NLRP9: variants seen among roughly 807,000 people sequenced by gnomAD.
NLRP9 encodes NLR family pyrin domain containing 9.
In NLRP9, 88 loss-of-function variants were observed where a neutral mutation model predicts 83.1. The observed-to-expected ratio is 1.06, with a 90% confidence interval of 0.89 to 1.26. The LOEUF is 1.26. Among genes scored for constraint, NLRP9 ranks in the 50% most tolerant of loss-of-function variants. The pLI is 0.00. For missense variants in NLRP9, 1,308 were observed against 1,179.3 expected (o/e 1.11, Z -1.60); for synonymous variants, 521 against 447.6 (o/e 1.16, Z -2.07).
intron 1 of NLRP9, among the ~76,000 whole-genome samples, chr19:55,735,860 G>A (rs1214137560): frequency 1.3e-5 from 2 of 151,424 alleles, no homozygotes; most frequent in African/African-American, 4.9e-5. Context: ...GGTAATTTTT[G>A]TATTTTTAGT....
Position 55,724,039 on chromosome 19 carries a change from A to T in NLRP9, c.2100T>A (p.Ser700=), listed in dbSNP as rs538036101. 130 of 1,613,986 alleles carry T rather than the reference A, an allele frequency of 8.1e-5. 2 individuals carry two copies. In the South Asian group the frequency reaches 1.4e-3, roughly 17 times the overall value. The part of the protein sequence containing the change: ...LSLYGTSLSQ[S]DIRHLCETLK... ...GCGTCTCACACAGGTGTCTGATGTC[A>T]GACTGGGAGAGGCTAGTGCCGTACA... The change falls in exon 4 of 9, where the codon TCT becomes TCA. Residue 700 remains serine, a synonymous_variant. Coordinates refer to ENST00000332836, the MANE Select transcript of NLRP9 (RefSeq NM_176820.4).
rs1398370550 is a variant in NLRP9 at position 55,732,287 on chromosome 19, A to T, written c.1544T>A (p.Leu515Gln). The T allele has an allele frequency of 6.2e-7, 1 of 1,614,206 alleles. No individual in the cohort carries two copies. Among genetic ancestry groups the T allele is most frequent in the Non-Finnish European group, 8.5e-7 (1 of 1,180,026 alleles). ...TATTTCCTGCTTTAGGTCTTTTGAC[A>T]GTGGAAAACCAAAGGAGGTCTCCAG... ...SMLETSFGFPLSKDLKQEITQ... is the reference protein window; with the variant it reads ...SMLETSFGFPQSKDLKQEITQ... Residue 515 changes from leucine (L) to glutamine (Q), a missense_variant, in exon 2 of 9, where the codon CTG (leucine) becomes CAG (glutamine). Transcript: ENST00000332836.
Position 55,733,455 on chromosome 19 carries a change from C to A in NLRP9, c.376G>T (p.Glu126Ter), listed in dbSNP as rs1441541454. ...TCTTTATACTCATTTTTCATGGTTTCTTTGTAGAAATGCTCAGGGACGTGA... is the reference window on the plus strand; with the variant it reads ...TCTTTATACTCATTTTTCATGGTTTATTTGTAGAAATGCTCAGGGACGTGA... ...CLHVPEHFYK[E>*]TMKNEYKELN... Residue 126 changes from glutamate (E) to a stop codon, truncating the protein, a stop_gained, in exon 2 of 9, where the codon GAA (glutamate) becomes TAA (stop). Transcript: ENST00000332836. LOFTEE classifies it high-confidence loss of function. 1 of 1,613,868 alleles carries A rather than the reference C, an allele frequency of 6.2e-7. No individual in the cohort carries two copies. Among genetic ancestry groups the A allele is most frequent in the Non-Finnish European group, 8.5e-7 (1 of 1,179,868 alleles).
Position 55,712,026 on chromosome 19 carries a change from C to T in NLRP9, c.2673-56G>A, listed in dbSNP as rs921783168. Reference sequence around the variant, plus strand: ...CTCTAGCTTTGGGTAGGCTGGAAGGCACGCCATTGTTACTTGCTAATTACA... The same window carrying T: ...CTCTAGCTTTGGGTAGGCTGGAAGGTACGCCATTGTTACTTGCTAATTACA... On this transcript the variant is annotated intron_variant, in intron 7 of 8. Transcript: ENST00000332836. 3.2e-6 allele frequency: 5 copies of T among 1,551,448 alleles called. No homozygotes were observed. The African/African-American group carries it at 5.4e-5, about 17-fold the overall frequency.
At chr19:55,720,356 C>G (rs1988186573) in intron 4 of NLRP9, among the ~76,000 whole-genome samples, 1 of 152,106 alleles carries the variant, frequency 6.6e-6, no homozygotes, top group Admixed American at 6.6e-5. Flanking sequence ...GTGGTCTCAC[C>G]CTGTCACTCA....
intron 6 of NLRP9, among the ~76,000 whole-genome samples, chr19:55,713,563 C>G (rs1487824823): frequency 7.1e-6 from 1 of 140,394 alleles, no homozygotes; most frequent in African/African-American, 2.6e-5. Flanking sequence ...GAGAAAGTGC[C>G]CCTGGCACCT....
intron 7 of NLRP9, 64 bp downstream of exon 7, chr19:55,712,356 C>G (rs1987767604): frequency 1.4e-6 from 2 of 1,397,156 alleles, no homozygotes; most frequent in Non-Finnish European, 2.0e-6. Flanking sequence ...TCTATTGACC[C>G]TCCAGCAATT....
chr19:55,723,637 A>G (rs1419845850), intron 4 of NLRP9, among the ~76,000 whole-genome samples: 2 of 146,682 alleles, frequency 1.4e-5, no homozygotes, highest in East Asian at 4.2e-4. Flanking sequence ...CTGAGGTGGG[A>G]GGATTGCTTG....
Position 55,712,452 on chromosome 19 carries a change from C to CAAAGCTG in NLRP9, c.2633_2639dup (p.Leu880PhefsTer9), listed in dbSNP as rs1987773738. The stretch of plus-strand genomic sequence containing the variant: ...ACTCTAATTTACAGTGAGGATGCTG[C>CAAAGCTG]AAAGCTGCACATAACTGTCTGACAC... On this transcript the variant is annotated frameshift_variant, in exon 7 of 9. Coordinates refer to ENST00000332836, the MANE Select transcript of NLRP9 (RefSeq NM_176820.4). LOFTEE classifies it high-confidence loss of function. 6.2e-7 allele frequency: 1 copy of CAAAGCTG among 1,612,866 alleles called. No individual in the cohort carries two copies.
intron 1 of NLRP9, among the ~76,000 whole-genome samples, chr19:55,735,219 C>T (rs1240298601): frequency 6.6e-6 from 1 of 152,142 alleles, no homozygotes; most frequent in Non-Finnish European, 1.5e-5. Context: ...TTAACACCGT[C>T]GCACAGGAGT....
At position 55,729,171 on chromosome 19, in the gene NLRP9, T is replaced by C. The variant is rs112447787; in HGVS notation, c.1994+660A>G. Among the ~76,000 whole-genome samples the C allele has an allele frequency of 1.5e-3, 223 of 147,056 alleles. 1 individual carries two copies. The highest frequency in any genetic ancestry group is 5.2e-3 in the African/African-American group (211 of 40,360). ...TCCACTCACATCCAAGCAAAGGTCA[T>C]CCCTAACCAGGACTGCTCGCTCTCT... On this transcript the variant is annotated intron_variant, in intron 3 of 8. Transcript: ENST00000332836.
At position 55,733,355 on chromosome 19, in the gene NLRP9, G is replaced by T. The variant is rs1988662658; in HGVS notation, c.476C>A (p.Thr159Lys). Reference sequence around the variant, plus strand: ...CAACATCACTTTTCTTAAAAGGGTTGTTTTTCCAATTCCATCAGGACCTTC... The same window carrying T: ...CAACATCACTTTTCTTAAAAGGGTTTTTTTTCCAATTCCATCAGGACCTTC... Reference protein sequence around the residue: ...VLEGPDGIGKTTLLRKVMLDW... With the variant: ...VLEGPDGIGKKTLLRKVMLDW... Residue 159 changes from threonine to lysine, a missense_variant, in exon 2 of 9, where the codon ACA (threonine) becomes AAA (lysine). Physicochemically the swap from Thr to Lys is moderately conservative, Grantham distance 78. Transcript: ENST00000332836. The T allele has an allele frequency of 6.2e-7, 1 of 1,614,028 alleles. No homozygotes were observed. The highest frequency in any genetic ancestry group is 1.3e-5 in the African/African-American group (1 of 74,918).
intron 1 of NLRP9, among the ~76,000 whole-genome samples, chr19:55,736,486 G>T (rs964221667): frequency 3.3e-5 from 5 of 152,062 alleles, no homozygotes; most frequent in Non-Finnish European, 7.4e-5. Context: ...ACACTGACTC[G>T]GTCATTTTTT....
At chr19:55,717,033 C>CTTTT (rs397968319) in intron 4 of NLRP9, 135 bp from the exon 5 acceptor site, 81 of 366,186 alleles carry the variant, frequency 2.2e-4, no homozygotes, top group African/African-American at 8.8e-4. Context: ...GACTCTTTTT[C>CTTTT]TTTTTTTTTT....
chr19:55,714,653 C>A (rs959990129), intron 6 of NLRP9, among the ~76,000 whole-genome samples: 1 of 152,018 alleles, frequency 6.6e-6, no homozygotes, highest in South Asian at 2.1e-4. Flanking sequence ...TAACAAAATG[C>A]CATAGACTGA....
chr19:55,733,900 T>G (rs889824166), intron 1 of NLRP9, among the ~76,000 whole-genome samples: 3 of 150,426 alleles, frequency 2.0e-5, no homozygotes, highest in Admixed American at 6.6e-5. Flanking sequence ...TTAGATAAAC[T>G]CAACCAGTTG....
Position 55,733,428 on chromosome 19 carries a change from A to G in NLRP9, c.403T>C (p.Leu135=). 6.2e-7 allele frequency: 1 copy of G among 1,613,970 alleles called. No homozygotes were observed. Among genetic ancestry groups the G allele is most frequent in the Non-Finnish European group, 8.5e-7 (1 of 1,179,904 alleles). ...GCCGCAGCAGTATATGCGTCATTCA[A>G]TTCTTTATACTCATTTTTCATGGTT... ...KETMKNEYKE[L]NDAYTAAARR... The change falls in exon 2 of 9, where the codon TTG becomes CTG. Residue 135 remains leucine (L), a synonymous_variant. Coordinates refer to ENST00000332836, the MANE Select transcript of NLRP9 (RefSeq NM_176820.4).
rs115661524 is a variant in NLRP9, at chr19:55,712,370, A to G, written c.2672+50T>C. 1,193 of 1,500,092 alleles carry G rather than the reference A, an allele frequency of 8.0e-4. 1 individual carries two copies. Among genetic ancestry groups the G allele is most frequent in the African/African-American group, 5.2e-3 (375 of 72,526 alleles). The allele number at this position is 1,500,092 out of a possible 1,614,324, so 92.9% of individuals were successfully genotyped here. On this transcript the variant is annotated intron_variant, in intron 7 of 8. Transcript: ENST00000332836. ...TTCTATTGACCCTCCAGCAATTCCT[A>G]TTCTTGAAATAGATAAATTTTCCTA...
rs149656991 is a variant in NLRP9, at chr19:55,717,912, G to A, written c.2160-1014C>T. ...GGACAGATGCTCCTGCACTCGTGTG[G>A]GGAAAAGAATGAGAGATCAGATTGT... is the stretch of plus-strand genomic sequence containing the variant. On this transcript the variant is annotated intron_variant, in intron 4 of 8. Transcript: ENST00000332836. Among the ~76,000 whole-genome samples the A allele has an allele frequency of 3.6e-3, 545 of 152,304 alleles. 5 individuals are homozygous for A. The highest frequency in any genetic ancestry group is 0.013 in the African/African-American group (521 of 41,570).
Sources: allele counts gnomAD v4.1 joint callset (sites outside exome capture counted in the v4.1 genomes callset), GRCh38; gene constraint gnomAD v4.1.1; transcripts MANE v1.5; gene names NCBI Gene and HGNC (gene_info 2026-07-23, HGNC 2026-07-21).